The following SYTL2 variants were observed in gnomAD, a reference collection of about 807,000 sequenced individuals.
The protein encoded by SYTL2 is synaptotagmin-like protein 2.
SYTL2 carries 165 observed loss-of-function variants against 198.7 expected under a neutral mutation model. The observed-to-expected ratio is 0.83, with a 90% confidence interval of 0.73 to 0.94. The LOEUF (loss-of-function observed/expected upper bound fraction) is 0.94. SYTL2 is among the 40% of genes least tolerant of loss of function. The pLI, the probability that SYTL2 is intolerant of heterozygous loss-of-function variation, is 0.00. For synonymous variants in SYTL2, 966 were observed against 917.7 expected (o/e 1.05, Z -0.95); for missense variants, 2,835 against 2,582.8 (o/e 1.10, Z -2.12).
chr11:85,820,065 T>C, the SYTL2 span, among the ~76,000 whole-genome samples: 2 of 152,206 alleles, frequency 1.3e-5, no homozygotes, highest in African/African-American at 4.8e-5. Flanking sequence ...ATTCCTAACC[T>C]AGGTTCTTTA....
intron 1 of SYTL2, among the ~76,000 whole-genome samples, chr11:85,775,185 G>A (rs1360896266): frequency 2.6e-5 from 4 of 152,082 alleles, no homozygotes; most frequent in Non-Finnish European, 5.9e-5. Context: ...AGAATAATTA[G>A]GAAAATAGGG....
At chr11:85,821,798 A>G in the SYTL2 span, among the ~76,000 whole-genome samples, 3,224 of 152,336 alleles carry the variant, frequency 0.021, 123 homozygotes, top group African/African-American at 0.072. Context: ...GACTATATAC[A>G]CATGAGCATG....
the SYTL2 span, among the ~76,000 whole-genome samples, chr11:85,847,152 A>AC: frequency 6.6e-6 from 1 of 152,168 alleles, no homozygotes; most frequent in African/African-American, 2.4e-5. Context: ...TGTAACCACC[A>AC]CCACAATCAA....
At chr11:85,765,687 G>A (rs1382013871) in intron 1 of SYTL2, among the ~76,000 whole-genome samples, 1 of 152,174 alleles carries the variant, frequency 6.6e-6, no homozygotes, top group Non-Finnish European at 1.5e-5. Context: ...CAGACAGCTA[G>A]TATCTTCTGG....
chr11:85,773,239 C>T (rs1175991557), intron 1 of SYTL2, among the ~76,000 whole-genome samples: 1 of 152,138 alleles, frequency 6.6e-6, no homozygotes, highest in African/African-American at 2.4e-5. Context: ...GGCTTCACTG[C>T]CTTCAGGATA....
At chr11:85,802,078 T>C (rs2092897369) in intron 1 of SYTL2, among the ~76,000 whole-genome samples, 1 of 152,044 alleles carries the variant, frequency 6.6e-6, no homozygotes, top group Non-Finnish European at 1.5e-5. Flanking sequence ...GCTCCCAAAG[T>C]GCTGGGAATA....
intron 12 of SYTL2, among the ~76,000 whole-genome samples, chr11:85,713,670 A>C (rs995338270): frequency 4.6e-5 from 7 of 152,218 alleles, no homozygotes; most frequent in African/African-American, 7.2e-5. Context: ...TTCATTTGTA[A>C]AATGAAGAAA....
chr11:85,705,811 G>T (rs553231140), intron 15 of SYTL2, among the ~76,000 whole-genome samples: 77 of 152,228 alleles, frequency 5.1e-4, no homozygotes, highest in South Asian at 4.1e-3. Context: ...CTGAGTATAG[G>T]GTTGAAGTAG....
chr11:85,807,287 T>G (rs1464179420), intron 1 of SYTL2, among the ~76,000 whole-genome samples: 2 of 152,234 alleles, frequency 1.3e-5, no homozygotes, highest in Admixed American at 1.3e-4. Flanking sequence ...GAAGAAAACT[T>G]GAGTCCCAAT....
intron 3 of SYTL2, among the ~76,000 whole-genome samples, chr11:85,747,665 G>A (rs1215720323): frequency 6.6e-6 from 1 of 152,190 alleles, no homozygotes; most frequent in Non-Finnish European, 1.5e-5. Context: ...ACAGGCTCTT[G>A]AATATATCAC....
At chr11:85,798,490 C>T (rs901109020) in intron 1 of SYTL2, among the ~76,000 whole-genome samples, 1 of 152,184 alleles carries the variant, frequency 6.6e-6, no homozygotes, top group Admixed American at 6.6e-5. Context: ...ATTGGCTTCA[C>T]ATATGTGGCA....
Position 85,695,303 on chromosome 11 carries a change from A to G in SYTL2, c.6612T>C (p.Ser2204=), listed in dbSNP as rs1370529675. The part of the protein sequence containing the change: ...SYGTEVDWMD[S]TSEEVALWEK... ...CCCAGAGAGCAACTTCCTCTGAAGT[A>G]GAGTCCATCCAGTCCACTTCAGTCC... The change falls in exon 20 of 20, where the codon TCT becomes TCC. Residue 2204 remains serine, a synonymous_variant. Transcript: ENST00000359152. The G allele has an allele frequency of 6.2e-7, 1 of 1,612,270 alleles. No individual in the cohort carries two copies. Among genetic ancestry groups the G allele is most frequent in the Non-Finnish European group, 8.5e-7 (1 of 1,178,672 alleles).
chr11:85,723,947 T>A, intron 8 of SYTL2, 85 bp downstream of exon 8: 1 of 653,132 alleles, frequency 1.5e-6, no homozygotes, highest in Non-Finnish European at 2.3e-6. Flanking sequence ...GAATATCAAA[T>A]TAATCCCAAT....
In SYTL2 at chr11:85,725,781, C is replaced by T. The variant is rs776433881; in HGVS notation, c.3577G>A (p.Glu1193Lys). The T allele has an allele frequency of 1.2e-6, 2 of 1,614,138 alleles. No homozygotes were observed. The highest frequency in any genetic ancestry group is 4.5e-5 in the East Asian group (2 of 44,876). Residue 1193 changes from glutamate (E) to lysine (K), a missense_variant, in exon 8 of 20, where the codon GAG (glutamate) becomes AAG (lysine). By Grantham distance (56) the Glu-to-Lys change is moderately conservative. This residue lies in a region of SYTL2 where 2,645 missense variants were observed against 2,381.7 expected (regional missense o/e 1.11). Transcript: ENST00000359152. Reference protein sequence around the residue: ...EVKGPEKIINEHVDKTVVHPK... With the variant: ...EVKGPEKIINKHVDKTVVHPK... ...TGAACTACTGTTTTGTCAACATGCT[C>T]ATTAATGATCTTCTCAGGTCCTTTG...
chr11:85,753,787 A>T (rs896635924), intron 2 of SYTL2, among the ~76,000 whole-genome samples: 5 of 151,140 alleles, frequency 3.3e-5, no homozygotes, highest in African/African-American at 1.2e-4. Flanking sequence ...AAAAAAAAAA[A>T]AAGATGGGAA....
chr11:85,769,491 T>A lies in SYTL2; in HGVS notation c.-389-11377A>T, dbSNP rs551671005. 4.5e-4 allele frequency among the ~76,000 whole-genome samples: 69 copies of A among 152,374 alleles called. 2 individuals are homozygous for A. The highest frequency in any genetic ancestry group is 1.5e-3 in the African/African-American group (62 of 41,592). On this transcript the variant is annotated intron_variant, in intron 1 of 19. Coordinates refer to ENST00000359152, the MANE Select transcript of SYTL2 (RefSeq NM_206927.4). ...GCCTCCTGAAGGAATTCAGCTCTGT[T>A]GATCTCTTGATTTTAGCCTGTAAGA...
At chr11:85,773,856 GA>G (rs2092405001) in intron 1 of SYTL2, among the ~76,000 whole-genome samples, 1 of 152,158 alleles carries the variant, frequency 6.6e-6, no homozygotes, top group Non-Finnish European at 1.5e-5. Flanking sequence ...TTGCAGAGCT[GA>G]AAAATATATA....
At chr11:85,851,678 G>C in the SYTL2 span, among the ~76,000 whole-genome samples, 1 of 152,196 alleles carries the variant, frequency 6.6e-6, no homozygotes, top group African/African-American at 2.4e-5. Context: ...TAAATGATAG[G>C]TAAAAGTACA....
chr11:85,799,648 C>G (rs1193067246), intron 1 of SYTL2, among the ~76,000 whole-genome samples: 7 of 152,150 alleles, frequency 4.6e-5, no homozygotes, highest in Non-Finnish European at 8.8e-5. Context: ...TATTTCCCAG[C>G]CTTTTGACCT....
Sources: allele counts gnomAD v4.1 joint callset (sites outside exome capture counted in the v4.1 genomes callset), GRCh38; gene constraint gnomAD v4.1.1; regional missense constraint gnomAD v4.1.1; transcripts MANE v1.5; gene names NCBI Gene and HGNC (gene_info 2026-07-23, HGNC 2026-07-21).